Variants in ADGRL3 observed in about 807,000 individuals in gnomAD.
ADGRL3 encodes the protein adhesion G protein-coupled receptor L3.
Under a neutral mutation model 153.5 loss-of-function variants are expected in ADGRL3, and 62 were observed. The observed-to-expected ratio is 0.40, with a 90% CI of 0.33 to 0.50. The LOEUF (loss-of-function observed/expected upper bound fraction) is 0.50. Ranked by LOEUF, ADGRL3 falls within the 20% of genes least tolerant of loss-of-function variation. The probability of loss-of-function intolerance (pLI) is 0.47; values close to 1 mark genes in which losing one functional copy is unlikely to be tolerated. For missense variants in ADGRL3, 1,641 were observed against 1,859.4 expected (o/e 0.88, Z 2.16); for synonymous variants, 710 against 672.5 (o/e 1.06, Z -0.86).
At chr4:61,531,311 T>A (rs2098612248) in intron 4 of ADGRL3, among the ~76,000 whole-genome samples, 1 of 152,200 alleles carries the variant, frequency 6.6e-6, no homozygotes, top group Non-Finnish European at 1.5e-5. Flanking sequence ...TCGCCTAGTC[T>A]AACTTGCATT....
intron 6 of ADGRL3, among the ~76,000 whole-genome samples, chr4:61,723,506 G>A (rs142991479): frequency 2.5e-3 from 374 of 152,290 alleles, no homozygotes; most frequent in Non-Finnish European, 3.7e-3. Context: ...TATACTGGGA[G>A]GCTGGAGGAG....
chr4:61,843,959 A>G (rs2098073548), intron 9 of ADGRL3, among the ~76,000 whole-genome samples: 1 of 150,404 alleles, frequency 6.6e-6, no homozygotes, highest in Admixed American at 6.6e-5. Context: ...TTGAGGCTGC[A>G]GTAGTGAGCT....
Position 61,934,935 on chromosome 4 carries a change from G to A in ADGRL3, c.2208G>A (p.Met736Ile). 1 of 1,613,842 alleles carries A rather than the reference G, an allele frequency of 6.2e-7. No individual in the cohort carries two copies. Among genetic ancestry groups the A allele is most frequent in the Admixed American group, 1.7e-5 (1 of 59,968 alleles). Residue 736 changes from methionine to isoleucine, a missense_variant, in exon 14 of 27, where the codon ATG becomes ATA. Transcript: ENST00000683033. ...GTGATCAGCTGCGTGCGGCCACCAT[G>A]TTGCTTCATACTGTGGAGGAAAGTG... ...TTSDQLRAAT[M>I]LLHTVEESAF...
intron 5 of ADGRL3, among the ~76,000 whole-genome samples, chr4:61,611,542 T>G (rs2091349551): frequency 6.6e-6 from 1 of 152,094 alleles, no homozygotes; most frequent in African/African-American, 2.4e-5. Context: ...CTGTTCTCCC[T>G]GGGAGAACAG....
chr4:61,450,470 A>AT (rs1450702178), intron 2 of ADGRL3, among the ~76,000 whole-genome samples: 2 of 152,026 alleles, frequency 1.3e-5, no homozygotes, highest in Admixed American at 6.6e-5. Context: ...TTAGTCTTAC[A>AT]TTTTTTCCAG....
At position 61,323,216 on chromosome 4, in the gene ADGRL3, G is replaced by A. The variant is rs551925140; in HGVS notation, c.-239-59908G>A. Among the ~76,000 whole-genome samples, 19 of 152,268 alleles carry A rather than the reference G, an allele frequency of 1.2e-4. No homozygotes were observed. The South Asian group carries it at 2.3e-3, about 18-fold the overall frequency. ...AGGCTGCACACAGCACCAGGAACCT[G>A]GGCCTGGCCCAGGAAACCACTTTTT... On this transcript the variant is annotated intron_variant, in intron 1 of 26. Transcript: ENST00000683033.
At chr4:61,963,240 A>G (rs1048525747) in intron 17 of ADGRL3, among the ~76,000 whole-genome samples, 4 of 150,692 alleles carry the variant, frequency 2.7e-5, no homozygotes, top group East Asian at 1.9e-4. Context: ...TTTTTATTTT[A>G]CTATGACTAT....
chr4:61,848,108 A>G (rs1405318916), intron 9 of ADGRL3, among the ~76,000 whole-genome samples: 1 of 106,190 alleles, frequency 9.4e-6, no homozygotes, highest in Non-Finnish European at 1.8e-5. Context: ...ATATTATATA[A>G]TATATATATT....
chr4:61,917,451 A>G (rs560683102), intron 13 of ADGRL3, among the ~76,000 whole-genome samples: 7 of 152,292 alleles, frequency 4.6e-5, no homozygotes, highest in Admixed American at 1.3e-4. Context: ...TTACTTTCAG[A>G]GGAGACTCTG....
intron 9 of ADGRL3, among the ~76,000 whole-genome samples, chr4:61,842,926 T>C (rs1225120668): frequency 6.6e-6 from 1 of 152,210 alleles, no homozygotes; most frequent in Admixed American, 6.5e-5. Context: ...ACTGGTTCTT[T>C]AAGGGCTGTT....
At chr4:61,777,745 T>C (rs1164365429) in intron 8 of ADGRL3, among the ~76,000 whole-genome samples, 1 of 152,180 alleles carries the variant, frequency 6.6e-6, no homozygotes, top group Non-Finnish European at 1.5e-5. Flanking sequence ...AGCCTTACTC[T>C]ATTTCTAGTA....
rs139549939 is a variant in ADGRL3 at position 61,992,067 on chromosome 4, C to T, written c.3237-4224C>T. The stretch of plus-strand genomic sequence containing the variant: ...AGATGATATACATATGATTGAATTT[C>T]ATTTATAAAAAAGAAATTGCCATAT... On this transcript the variant is annotated intron_variant, in intron 19 of 26. Transcript: ENST00000683033. Among the ~76,000 whole-genome samples the T allele has an allele frequency of 2.3e-3, 353 of 151,714 alleles. 3 individuals carry two copies. Among genetic ancestry groups the T allele is most frequent in the African/African-American group, 8.0e-3 (333 of 41,464 alleles).
At chr4:61,507,238 G>A (rs983252568) in intron 3 of ADGRL3, among the ~76,000 whole-genome samples, 3 of 152,072 alleles carry the variant, frequency 2.0e-5, no homozygotes, top group Non-Finnish European at 4.4e-5. Context: ...AAAGCAACAG[G>A]CTGGTATGAT....
intron 2 of ADGRL3, among the ~76,000 whole-genome samples, chr4:61,471,647 T>C (rs1434507583): frequency 2.0e-5 from 3 of 151,980 alleles, no homozygotes; most frequent in Non-Finnish European, 2.9e-5. Context: ...GATCTGAAAG[T>C]TGATTATCTT....
At chr4:61,307,204 A>G (rs1280515954) in intron 1 of ADGRL3, among the ~76,000 whole-genome samples, 2 of 152,204 alleles carry the variant, frequency 1.3e-5, no homozygotes, top group Admixed American at 6.5e-5. Flanking sequence ...TTTCACTACT[A>G]TAAGACTGGA....
At chr4:61,932,781 T>C (rs1173597823) in intron 13 of ADGRL3, among the ~76,000 whole-genome samples, 1 of 152,104 alleles carries the variant, frequency 6.6e-6, no homozygotes, top group Non-Finnish European at 1.5e-5. Flanking sequence ...TTGAGTAGAA[T>C]TCACCAGTGA....
intron 8 of ADGRL3, among the ~76,000 whole-genome samples, chr4:61,810,783 ATG>A (rs2148579482): frequency 6.6e-6 from 1 of 152,102 alleles, no homozygotes; most frequent in African/African-American, 2.4e-5. Context: ...AGGTTTTTTT[ATG>A]TGTTTTTCTG....
chr4:61,821,560 G>T (rs1452000973), intron 9 of ADGRL3, among the ~76,000 whole-genome samples: 14 of 151,812 alleles, frequency 9.2e-5, no homozygotes, highest in Non-Finnish European at 1.5e-5. Flanking sequence ...AGTGAATTTT[G>T]TTGGGTTTTT....
Position 61,972,952 on chromosome 4 carries a change from T to G in ADGRL3, c.2806-6611T>G, listed in dbSNP as rs1406635127. Among the ~76,000 whole-genome samples, 4 of 152,034 alleles carry G rather than the reference T, an allele frequency of 2.6e-5. No homozygotes were observed. In the East Asian group the frequency reaches 5.8e-4, roughly 22 times the overall value. ...CAAGCAGTTGATAATTATTACAGGG[T>G]GATTGTTCAAGCAGTCTGAAAAATA... On this transcript the variant is annotated intron_variant, in intron 17 of 26. Transcript: ENST00000683033.
Sources: gnomAD v4.1 joint callset for allele counts (sites outside exome capture counted in the v4.1 genomes callset) on GRCh38, gnomAD v4.1.1 for gene constraint, MANE v1.5 for transcripts, NCBI Gene and HGNC (gene_info 2026-07-23, HGNC 2026-07-21) for gene names.